The following SLC1A7 variants were observed in gnomAD, a reference collection of about 807,000 sequenced individuals.
SLC1A7 encodes solute carrier family 1 member 7.
SLC1A7 carries 40 observed loss-of-function variants against 47.7 expected under a neutral mutation model. That is an observed-to-expected ratio of 0.84 (90% CI 0.65 to 1.09). The LOEUF (loss-of-function observed/expected upper bound fraction) is 1.09. Ranked by LOEUF, SLC1A7 falls within the 50% of genes least tolerant of loss-of-function variation. The pLI, the probability that SLC1A7 is intolerant of heterozygous loss-of-function variation, is 0.00. For synonymous variants in SLC1A7, 323 were observed against 325.6 expected, an observed-to-expected ratio of 0.99 and a Z score of 0.09; for missense variants, 746 against 769.5, an observed-to-expected ratio of 0.97 and a Z score of 0.36.
chr1:53,092,698 T>C lies in SLC1A7; in HGVS notation c.887A>G (p.Tyr296Cys), dbSNP rs1321031823. The C allele has an allele frequency of 1.9e-6, 3 of 1,613,962 alleles. No individual in the cohort carries two copies. The South Asian group carries it at 3.3e-5, about 18-fold the overall frequency. The change falls in exon 7 of 11, where the codon TAC becomes TGC. Residue 296 changes from tyrosine to cysteine, a missense_variant. Coordinates refer to ENST00000371494, the MANE Select transcript of SLC1A7 (RefSeq NM_006671.6). ...CAGCCCGCACACCACGGTGACTGAG[T>C]AGAAGCCCAGCTTCTTGCCGACGGC... ...PRAVGKKLGF[Y>C]SVTVVCGLVL... is the part of the protein sequence containing the mutation.
intron 1 of SLC1A7, among the ~76,000 whole-genome samples, chr1:53,141,170 A>T (rs1256189547): frequency 1.3e-5 from 2 of 152,114 alleles, no homozygotes; most frequent in Non-Finnish European, 2.9e-5. Flanking sequence ...AAGTCCTGCC[A>T]AGTCAGTTTA....
chr1:53,087,954 C>G lies in SLC1A7; in HGVS notation c.*55G>C. Reference sequence around the variant, plus strand: ...CTCAGGAGGGTTGGAGAGTCGAGTTCCTGCCTCAGGACCCTGCCCCTGGAG... The same window carrying G: ...CTCAGGAGGGTTGGAGAGTCGAGTTGCTGCCTCAGGACCCTGCCCCTGGAG... On this transcript the variant is annotated 3_prime_UTR_variant, in exon 11 of 11. Coordinates refer to ENST00000371494, the MANE Select transcript of SLC1A7 (RefSeq NM_006671.6). 3.5e-6 allele frequency: 4 copies of G among 1,140,856 alleles called. No homozygotes were observed. 70.7% of individuals were successfully genotyped at this position (1,140,856 alleles called of 1,614,324 possible).
rs199825480 is a variant in SLC1A7, at chr1:53,090,750, C to G, written c.1088G>C (p.Arg363Pro). Reference sequence around the variant, plus strand: ...GGGCAGCACGAAGCGAGCGATGCGCCGGTCGATGTGGTTGTTCTCCAGCAG... The same window carrying G: ...GGGCAGCACGAAGCGAGCGATGCGCGGGTCGATGTGGTTGTTCTCCAGCAG... ...KCLLENNHID[R>P]RIARFVLPVG... Residue 363 changes from arginine to proline, a missense_variant, in exon 8 of 11, where the codon CGG (arginine) becomes CCG (proline). Transcript: ENST00000371494. 5.0e-6 allele frequency: 8 copies of G among 1,613,580 alleles called. No homozygotes were observed. The highest frequency in any genetic ancestry group is 6.8e-6 in the Non-Finnish European group (8 of 1,179,904).
At chr1:53,140,241 G>A (rs1334057993) in intron 1 of SLC1A7, among the ~76,000 whole-genome samples, 1 of 152,208 alleles carries the variant, frequency 6.6e-6, no homozygotes, top group Non-Finnish European at 1.5e-5. Context: ...CAAACAGATG[G>A]GAAAGGCAGC....
At chr1:53,097,580 C>G (rs2860608) in intron 5 of SLC1A7, among the ~76,000 whole-genome samples, 1 of 151,324 alleles carries the variant, frequency 6.6e-6, no homozygotes, top group Non-Finnish European at 1.5e-5. Flanking sequence ...CCTTGGCACA[C>G]TCACACATAC....
At chr1:53,139,946 C>G (rs1645040494) in intron 1 of SLC1A7, among the ~76,000 whole-genome samples, 1 of 152,094 alleles carries the variant, frequency 6.6e-6, no homozygotes, top group Non-Finnish European at 1.5e-5. Flanking sequence ...CACTCATACA[C>G]CAAGATAAAA....
rs926129846 is a variant in SLC1A7 at position 53,091,770 on chromosome 1, G to A, written c.1031+784C>T. Among the ~76,000 whole-genome samples the A allele has an allele frequency of 3.3e-5, 5 of 152,178 alleles. No individual in the cohort carries two copies. The East Asian group carries it at 7.7e-4, about 23-fold the overall frequency. On this transcript the variant is annotated intron_variant, in intron 7 of 10. Coordinates refer to ENST00000371494, the MANE Select transcript of SLC1A7 (RefSeq NM_006671.6). Reference sequence around the variant, plus strand: ...AGGCCTTCAGTGCCAGAAAGATGTGGCTTAAGTTCCTGCGACTCCCTTAAT... The same window carrying A: ...AGGCCTTCAGTGCCAGAAAGATGTGACTTAAGTTCCTGCGACTCCCTTAAT...
chr1:53,128,203 G>A (rs752460559), intron 2 of SLC1A7, among the ~76,000 whole-genome samples: 15 of 152,120 alleles, frequency 9.9e-5, no homozygotes, highest in Non-Finnish European at 1.9e-4. Flanking sequence ...GGCAGGGTGC[G>A]GTGACTCACA....
rs770118008 is a variant in SLC1A7, at chr1:53,142,424, C to T, written c.26G>A (p.Arg9Gln). 31 of 1,612,770 alleles carry T rather than the reference C, an allele frequency of 1.9e-5. No homozygotes were observed. The highest frequency in any genetic ancestry group is 1.5e-4 in the South Asian group (14 of 90,690). MVPHAILA[R>Q]GRDVCRRNGL... ...ATTCCGCCTGCACACGTCCCTCCCCCGTGCCAAGATGGCATGCGGCACCAT... is the reference window on the plus strand; with the variant it reads ...ATTCCGCCTGCACACGTCCCTCCCCTGTGCCAAGATGGCATGCGGCACCAT... Residue 9 changes from arginine (R) to glutamine (Q), a missense_variant, in exon 1 of 11, where the codon CGG (arginine) becomes CAG (glutamine). Coordinates refer to ENST00000371494, the MANE Select transcript of SLC1A7 (RefSeq NM_006671.6).
At chr1:53,115,275 T>C in intron 2 of SLC1A7, 1 of 464,586 alleles carries the variant, frequency 2.2e-6, no homozygotes, top group South Asian at 2.9e-5. Context: ...GAGAGATTAA[T>C]TAAGGAAATG....
intron 8 of SLC1A7, chr1:53,090,204 A>G (rs1644404973): frequency 1.7e-6 from 1 of 576,060 alleles, no homozygotes; most frequent in East Asian, 3.0e-5. Context: ...GGTTCCAGGA[A>G]GCTATATTGC....
At chr1:53,113,630 G>A (rs1416018078) in intron 3 of SLC1A7, among the ~76,000 whole-genome samples, 1 of 152,026 alleles carries the variant, frequency 6.6e-6, no homozygotes, top group Non-Finnish European at 1.5e-5. Flanking sequence ...CCCTGGCTCT[G>A]CCTTCCCCTC....
intron 9 of SLC1A7, among the ~76,000 whole-genome samples, chr1:53,089,545 G>C (rs1644396619): frequency 6.6e-6 from 1 of 152,194 alleles, no homozygotes; most frequent in Non-Finnish European, 1.5e-5. Flanking sequence ...AAAGTTCTGG[G>C]ACATATAGGC....
intron 2 of SLC1A7, among the ~76,000 whole-genome samples, chr1:53,121,480 G>C (rs1052325998): frequency 6.6e-6 from 1 of 152,252 alleles, no homozygotes; most frequent in African/African-American, 2.4e-5. Context: ...GCAGTAGAGA[G>C]GGTGTCTAGA....
chr1:53,092,492 G>T, intron 7 of SLC1A7, 62 bp downstream of exon 7: 1 of 1,227,352 alleles, frequency 8.1e-7, no homozygotes, highest in Non-Finnish European at 1.2e-6. Flanking sequence ...ATGATGGCTG[G>T]ACAGACGGAC....
At position 53,124,251 on chromosome 1, in the gene SLC1A7, C is replaced by CA. The variant is rs1557685885; in HGVS notation, c.216-9279dup. On this transcript the variant is annotated intron_variant, in intron 2 of 10. Transcript: ENST00000371494. ...AGGAAGGAAAACAATACATACACAA[C>CA]ACACACACACACACACACACACACA... is the stretch of plus-strand genomic sequence containing the variant. Among the ~76,000 whole-genome samples the CA allele has an allele frequency of 8.8e-3, 1,334 of 151,608 alleles. 22 individuals carry two copies. The highest frequency in any genetic ancestry group is 0.03 in the African/African-American group (1,253 of 41,100).
At chr1:53,137,297 A>AAAAAAAAAAAAAAAAAAAAAAAAAAAAC (rs1274760521) in intron 1 of SLC1A7, among the ~76,000 whole-genome samples, 1 of 151,036 alleles carries the variant, frequency 6.6e-6, no homozygotes, top group African/African-American at 2.4e-5. Context: ...CAAAAAAAAA[A>AAAAAAAAAAAAAAAAAAAAAAAAAAAAC]AAGTGCTCTA....
chr1:53,092,202 C>A (rs889230998), intron 7 of SLC1A7, among the ~76,000 whole-genome samples: 1 of 152,278 alleles, frequency 6.6e-6, no homozygotes, highest in Non-Finnish European at 1.5e-5. Context: ...TAGAGCAACA[C>A]AGGGCCCGAC....
At chr1:53,106,473 G>A (rs552847717) in intron 3 of SLC1A7, among the ~76,000 whole-genome samples, 83 of 151,944 alleles carry the variant, frequency 5.5e-4, no homozygotes, top group Admixed American at 1.2e-3. Context: ...GCACGGTGGC[G>A]GGTGCCTGTA....
Sources: gnomAD v4.1 joint callset for allele counts (sites outside exome capture counted in the v4.1 genomes callset) on GRCh38, gnomAD v4.1.1 for gene constraint, MANE v1.5 for transcripts, NCBI Gene and HGNC (gene_info 2026-07-23, HGNC 2026-07-21) for gene names.